Variants in LDHD observed in about 807,000 individuals in gnomAD.
LDHD encodes the protein lactate dehydrogenase D.
Under a neutral mutation model 52.9 loss-of-function variants are expected in LDHD, and 58 were observed. The ratio of observed to expected loss-of-function variants is 1.10; its 90% CI spans 0.89 to 1.36. The LOEUF (loss-of-function observed/expected upper bound fraction) is 1.36, where lower values mean the gene tolerates loss of function less well. Among genes scored for constraint, LDHD ranks in the 40% most tolerant of loss-of-function variants. The pLI is 0.00. For synonymous variants in LDHD, 350 were observed against 288.6 expected, an observed-to-expected ratio of 1.21 and a Z score of -2.16; for missense variants, 747 against 668.0, an observed-to-expected ratio of 1.12 and a Z score of -1.30.
chr16:75,114,619 C>G lies in LDHD; in HGVS notation c.536G>C (p.Arg179Pro). Residue 179 changes from arginine (R) to proline (P), a missense_variant, in exon 5 of 11, where the codon CGC (arginine) becomes CCC (proline). Transcript: ENST00000450168. ...ATGASGTNAV[R>P]YGTMRDNVLN... ...CACGTTGTCCCGCATGGTGCCGTAG[C>G]GGACCGCGTTGGTCCCCGACGCCCC... 6.5e-7 allele frequency: 1 copy of G among 1,533,854 alleles called. No individual in the cohort carries two copies. Among genetic ancestry groups the G allele is most frequent in the Non-Finnish European group, 8.7e-7 (1 of 1,144,158 alleles).
chr16:75,113,831 T>C lies in LDHD; in HGVS notation c.869A>G (p.Tyr290Cys). 1 of 1,614,104 alleles carries C rather than the reference T, an allele frequency of 6.2e-7. No individual in the cohort carries two copies. The highest frequency in any genetic ancestry group is 8.5e-7 in the Non-Finnish European group (1 of 1,180,030). ...CGCCACTAAGCAATTCAGCTTGCTG[T>C]ACCTGTTGCAGGCATCCATCATGAC... ...DEVMMDACNR[Y>C]SKLNCLVAPT... is the part of the protein sequence containing the mutation. The change falls in exon 7 of 11, where the codon TAC becomes TGC. Residue 290 changes from tyrosine to cysteine, a missense_variant. Physicochemically the swap from Tyr to Cys is radical, Grantham distance 194. Coordinates refer to ENST00000450168, the MANE Select transcript of LDHD (RefSeq NM_194436.3).
At position 75,114,846 on chromosome 16, in the gene LDHD, G is replaced by A. The variant is rs762825172; in HGVS notation, c.450C>T (p.Ser150=). 1.9e-6 allele frequency: 3 copies of A among 1,613,378 alleles called. No homozygotes were observed. The highest frequency in any genetic ancestry group is 1.7e-5 in the Admixed American group (1 of 59,896). The change falls in exon 4 of 11, where the codon AGC becomes AGT. Residue 150 remains serine (S), a synonymous_variant. Coordinates refer to ENST00000450168, the MANE Select transcript of LDHD (RefSeq NM_194436.3). The stretch of plus-strand genomic sequence containing the variant: ...TCCTACCCACGGGAAACCAGAGGCC[G>A]CTGTCCCGCAGGTGGGCGTTGAGGG... ...RKALNAHLRD[S]GLWFPVDPGA...
chr16:75,114,494 C>G (rs1279846829), intron 5 of LDHD, 32 bp downstream of exon 5: 1 of 1,475,540 alleles, frequency 6.8e-7, no homozygotes, highest in South Asian at 1.3e-5. Context: ...TGCCCAGGGC[C>G]AGAGCCCGGG....
At chr16:75,116,250 C>T (rs555522779) in intron 1 of LDHD, among the ~76,000 whole-genome samples, 30 of 152,150 alleles carry the variant, frequency 2.0e-4, no homozygotes, top group East Asian at 1.9e-3. Flanking sequence ...CCCCACTCTA[C>T]GTTGCCTGGG....
Position 75,115,570 on chromosome 16 carries a change from C to A in LDHD, c.163G>T (p.Gly55Trp). 6.2e-7 allele frequency: 1 copy of A among 1,612,930 alleles called. No individual in the cohort carries two copies. The highest frequency in any genetic ancestry group is 8.5e-7 in the Non-Finnish European group (1 of 1,179,940). Residue 55 changes from glycine (G) to tryptophan (W), a missense_variant, in exon 2 of 11, where the codon GGG (glycine) becomes TGG (tryptophan). Coordinates refer to ENST00000450168, the MANE Select transcript of LDHD (RefSeq NM_194436.3). Reference protein sequence around the residue: ...STAAVVREQHGRDESVHRCEP... With the variant: ...STAAVVREQHWRDESVHRCEP... ...TACCTGTGCACCGACTCATCGCGCC[C>A]GTGCTGCTCTCGGACCACCGCGGCA... is the stretch of plus-strand genomic sequence containing the variant.
rs760821226 is a variant in LDHD, at chr16:75,114,957, G to A, written c.339C>T (p.Cys113=). The A allele has an allele frequency of 1.2e-6, 2 of 1,611,590 alleles. No individual in the cohort carries two copies. Among genetic ancestry groups the A allele is most frequent in the Non-Finnish European group, 8.5e-7 (1 of 1,178,932 alleles). The part of the protein sequence containing the change: ...GGVCAVQGGV[C]VNLTHMDRIL... The stretch of plus-strand genomic sequence containing the variant: ...TTCGGTCCATATGCGTCAGGTTAAC[G>A]CAGACGCCGCCCTGGTTGGGGCAGG... The change falls in exon 4 of 11, where the codon TGC becomes TGT. Residue 113 remains cysteine, a synonymous_variant. Coordinates refer to ENST00000450168, the MANE Select transcript of LDHD (RefSeq NM_194436.3).
At position 75,112,394 on chromosome 16, in the gene LDHD, C is replaced by G; in HGVS notation, c.1417G>C (p.Asp473His). The G allele has an allele frequency of 3.7e-6, 6 of 1,613,466 alleles. No individual in the cohort carries two copies. The highest frequency in any genetic ancestry group is 5.1e-6 in the Non-Finnish European group (6 of 1,179,992). The change falls in exon 11 of 11, where the codon GAC becomes CAC. Residue 473 changes from aspartate (D) to histidine (H), a missense_variant. By Grantham distance (81) the Asp-to-His change is moderately conservative. Coordinates refer to ENST00000450168, the MANE Select transcript of LDHD (RefSeq NM_194436.3). ...CCTGGATTCATGAGGCCTTGGGGGT[C>G]TAGCACGGCCTTGAGCTGCCGCATG... Reference protein sequence around the residue: ...ETMRQLKAVLDPQGLMNPGKV... With the variant: ...ETMRQLKAVLHPQGLMNPGKV...
At position 75,114,613 on chromosome 16, in the gene LDHD, C is replaced by T; in HGVS notation, c.542G>A (p.Gly181Asp). 6.5e-7 allele frequency: 1 copy of T among 1,534,026 alleles called. No homozygotes were observed. Among genetic ancestry groups the T allele is most frequent in the Non-Finnish European group, 8.7e-7 (1 of 1,144,510 alleles). Residue 181 changes from glycine to aspartate, a missense_variant, in exon 5 of 11, where the codon GGC becomes GAC. Gly to Asp is a moderately conservative substitution (Grantham distance 94). Transcript: ENST00000450168. ...GTTGAGCACGTTGTCCCGCATGGTG[C>T]CGTAGCGGACCGCGTTGGTCCCCGA... ...GASGTNAVRY[G>D]TMRDNVLNLE...
intron 1 of LDHD, 119 bp from the exon 2 acceptor site, chr16:75,115,779 C>G: frequency 1.6e-6 from 1 of 614,402 alleles, no homozygotes; most frequent in Non-Finnish European, 2.8e-6. Flanking sequence ...CCTGCGCCCG[C>G]CCCGCTGACA....
chr16:75,112,099 G>A lies in LDHD; in HGVS notation c.*257C>T, dbSNP rs1398296450. ...CCAGGACAGGATGCGTAGGAGCAGAGAGGAAGCAGCTTTGCTGGGAACCAC... is the reference window on the plus strand; with the variant it reads ...CCAGGACAGGATGCGTAGGAGCAGAAAGGAAGCAGCTTTGCTGGGAACCAC... On this transcript the variant is annotated 3_prime_UTR_variant, in exon 11 of 11. Transcript: ENST00000450168. 2 of 470,822 alleles carry A rather than the reference G, an allele frequency of 4.2e-6. No homozygotes were observed. Among genetic ancestry groups the A allele is most frequent in the Non-Finnish European group, 7.5e-6 (2 of 265,814 alleles). 29.2% of individuals were successfully genotyped at this position (470,822 alleles called of 1,614,324 possible). A position where few individuals can be genotyped will look rare whatever the true frequency, so the allele number is the denominator to read the frequency against.
chr16:75,114,736 T>G lies in LDHD; in HGVS notation c.470-51A>C, dbSNP rs776751808. The stretch of plus-strand genomic sequence containing the variant: ...CCTCAGGGACCGGAGGTCCTTTCCC[T>G]CGGGCTGGGGGAGGAAGGTCCCCTG... On this transcript the variant is annotated intron_variant, in intron 4 of 10. Transcript: ENST00000450168. 21 of 1,554,402 alleles carry G rather than the reference T, an allele frequency of 1.4e-5. No homozygotes were observed. The South Asian group carries it at 2.5e-4, about 18-fold the overall frequency.
chr16:75,112,449 C>G lies in LDHD; in HGVS notation c.1362G>C (p.Gln454His). 6.2e-7 allele frequency: 1 copy of G among 1,613,420 alleles called. No homozygotes were observed. The highest frequency in any genetic ancestry group is 8.5e-7 in the Non-Finnish European group (1 of 1,180,010). The change falls in exon 11 of 11, where the codon CAG (glutamine) becomes CAC (histidine). Residue 454 changes from glutamine to histidine, a missense_variant. By Grantham distance (24) the Gln-to-His change is conservative. Coordinates refer to ENST00000450168, the MANE Select transcript of LDHD (RefSeq NM_194436.3). ...CCACGCCCACGGCGCCCACCTCCTC[C>G]TGCAGCAGCTGCCGCTTGCCCATTC... ...GIGMGKRQLL[Q>H]EEVGAVGVET... is the part of the protein sequence containing the mutation.
chr16:75,114,914 C>A lies in LDHD; in HGVS notation c.382G>T (p.Glu128Ter). Residue 128 changes from glutamate to a stop codon, truncating the protein, a stop_gained, in exon 4 of 11, where the codon GAG (glutamate) becomes TAG (stop). Coordinates refer to ENST00000450168, the MANE Select transcript of LDHD (RefSeq NM_194436.3). LOFTEE classifies it high-confidence loss of function. ...HMDRILELNQ[E>*]DFSVVVEPGV... The stretch of plus-strand genomic sequence containing the variant: ...GGCTCCACCACCACAGAGAAGTCCT[C>A]CTGGTTCAGCTCCAGGATTCGGTCC... 2 of 1,614,040 alleles carry A rather than the reference C, an allele frequency of 1.2e-6. No individual in the cohort carries two copies. The highest frequency in any genetic ancestry group is 1.7e-6 in the Non-Finnish European group (2 of 1,180,002).
chr16:75,114,444 C>T, intron 5 of LDHD, 82 bp downstream of exon 5: 1 of 1,408,882 alleles, frequency 7.1e-7, no homozygotes, highest in African/African-American at 1.4e-5. Context: ...CCAGGAGGTG[C>T]TTTTCACAGC....
chr16:75,114,433 G>A lies in LDHD; in HGVS notation c.629+93C>T, dbSNP rs192349262. On this transcript the variant is annotated intron_variant, in intron 5 of 10. Transcript: ENST00000450168. ...GCCTAGCCTGCCAAACCAGGGGGCC[G>A]CCAGGAGGTGCTTTTCACAGCCCGG... is the stretch of plus-strand genomic sequence containing the variant. 4.7e-5 allele frequency: 65 copies of A among 1,384,396 alleles called. 1 individual carries two copies. The highest frequency in any genetic ancestry group is 4.5e-4 in the African/African-American group (31 of 68,904). 85.8% of individuals were successfully genotyped at this position (1,384,396 alleles called of 1,614,324 possible).
Position 75,112,234 on chromosome 16 carries a change from TG to T in LDHD, c.*121del. On this transcript the variant is annotated 3_prime_UTR_variant, in exon 11 of 11. Coordinates refer to ENST00000450168, the MANE Select transcript of LDHD (RefSeq NM_194436.3). ...CCTCTGGCCTTGGGCCCAGATACAGTGGGCTCGCTGGCAGGAAGACTGCCTC... is the reference window on the plus strand; with the variant it reads ...CCTCTGGCCTTGGGCCCAGATACAGTGGCTCGCTGGCAGGAAGACTGCCTC... 8.2e-7 allele frequency: 1 copy of T among 1,214,278 alleles called. No homozygotes were observed. Among genetic ancestry groups the T allele is most frequent in the Non-Finnish European group, 1.1e-6 (1 of 869,820 alleles). The allele number at this position is 1,214,278 out of a possible 1,614,324, so 75.2% of individuals were successfully genotyped here.
intron 9 of LDHD, 52 bp downstream of exon 9, chr16:75,112,781 CT>C: frequency 6.3e-7 from 1 of 1,599,450 alleles, no homozygotes; most frequent in Admixed American, 1.7e-5. Flanking sequence ...GCCCCAGGCT[CT>C]GATCAGCCCT....
chr16:75,115,732 G>C, intron 1 of LDHD, 72 bp from the exon 2 acceptor site: 1 of 946,288 alleles, frequency 1.1e-6, no homozygotes, highest in Non-Finnish European at 1.6e-6. Context: ...CCAGTGTCGG[G>C]GGGAGGGCTG....
In LDHD at chr16:75,115,335, C is replaced by T; in HGVS notation, c.190G>A (p.Glu64Lys). Residue 64 changes from glutamate to lysine, a missense_variant, in exon 3 of 11, where the codon GAA (glutamate) becomes AAA (lysine). By Grantham distance (56) the Glu-to-Lys change is moderately conservative. Coordinates refer to ENST00000450168, the MANE Select transcript of LDHD (RefSeq NM_194436.3). ...HGRDESVHRC[E>K]PPDAVVWPQN... ...GGCCACACCACAGCATCAGGAGGTT[C>T]GCACCTAGAACCAGACCCTCAGCGA... 3 of 1,613,568 alleles carry T rather than the reference C, an allele frequency of 1.9e-6. No homozygotes were observed. Among genetic ancestry groups the T allele is most frequent in the Non-Finnish European group, 2.5e-6 (3 of 1,180,002 alleles).
Sources: allele counts gnomAD v4.1 joint callset (sites outside exome capture counted in the v4.1 genomes callset), GRCh38; gene constraint gnomAD v4.1.1; transcripts MANE v1.5; gene names NCBI Gene and HGNC (gene_info 2026-07-23, HGNC 2026-07-21).